Variants in PRTG observed in about 807,000 individuals in gnomAD.
PRTG encodes protogenin.
In PRTG, 67 loss-of-function variants were observed where a neutral mutation model predicts 122.5. That is an observed-to-expected ratio of 0.55 (90% confidence interval 0.45 to 0.67). The LOEUF (loss-of-function observed/expected upper bound fraction) is 0.67. Among genes scored for constraint, PRTG ranks in the 30% least tolerant of loss-of-function variants. PRTG has a pLI of 0.00. For missense variants in PRTG, 1,435 were observed against 1,415.4 expected (o/e 1.01, Z -0.22); for synonymous variants, 554 against 501.1 (o/e 1.11, Z -1.41).
At chr15:55,677,679 G>C (rs2059510562) in intron 8 of PRTG, 118 bp downstream of exon 8, 2 of 880,770 alleles carry the variant, frequency 2.3e-6, no homozygotes, top group Non-Finnish European at 3.5e-6. Flanking sequence ...TATCAAAGAA[G>C]ATAAATGCCA....
At chr15:55,643,030 G>A (rs1165096686) in intron 11 of PRTG, among the ~76,000 whole-genome samples, 1 of 151,784 alleles carries the variant, frequency 6.6e-6, no homozygotes, top group Non-Finnish European at 1.5e-5. Flanking sequence ...TTATGACTGT[G>A]CTACCGTACT....
At chr15:55,713,585 T>A (rs1319510234) in intron 2 of PRTG, among the ~76,000 whole-genome samples, 1 of 152,238 alleles carries the variant, frequency 6.6e-6, no homozygotes, top group Non-Finnish European at 1.5e-5. Flanking sequence ...TTTGCCATCA[T>A]TTGGAAATCA....
rs968547497 is a variant in PRTG at position 55,618,724 on chromosome 15, C to T, written c.*1288G>A. The T allele has an allele frequency of 2.6e-5, 4 of 152,034 alleles. No homozygotes were observed. The highest frequency in any genetic ancestry group is 9.7e-5 in the African/African-American group (4 of 41,378). The allele number at this position is 152,034 out of a possible 1,614,324, so 9.4% of individuals were successfully genotyped here. On this transcript the variant is annotated 3_prime_UTR_variant, in exon 20 of 20. Coordinates refer to ENST00000389286, the MANE Select transcript of PRTG (RefSeq NM_173814.6). Reference sequence around the variant, plus strand: ...TCTGAATATTTATCCCTAAACAAAACCTGCACTTAAAAAAAATGCCTTGGT... The same window carrying T: ...TCTGAATATTTATCCCTAAACAAAATCTGCACTTAAAAAAAATGCCTTGGT...
At position 55,619,932 on chromosome 15, in the gene PRTG, G is replaced by C; in HGVS notation, c.*80C>G. The C allele has an allele frequency of 6.4e-7, 1 of 1,574,528 alleles. No individual in the cohort carries two copies. Among genetic ancestry groups the C allele is most frequent in the Non-Finnish European group, 8.6e-7 (1 of 1,160,868 alleles). On this transcript the variant is annotated 3_prime_UTR_variant, in exon 20 of 20. Transcript: ENST00000389286. ...GGCTGCAGAACTAAGGAGGAAGTCT[G>C]CTCACTAACAGATGACACAGCAGGG... is the stretch of plus-strand genomic sequence containing the variant.
chr15:55,639,378 G>A (rs750029563), intron 13 of PRTG, among the ~76,000 whole-genome samples: 38 of 152,300 alleles, frequency 2.5e-4, no homozygotes, highest in Non-Finnish European at 4.7e-4. Flanking sequence ...AATCACTTGA[G>A]AGTAATAATA....
chr15:55,727,951 G>A (rs553368240), intron 2 of PRTG, among the ~76,000 whole-genome samples: 12 of 152,164 alleles, frequency 7.9e-5, no homozygotes, highest in East Asian at 3.9e-4. Flanking sequence ...TATAACTTCC[G>A]CCTCCCAGGT....
At chr15:55,669,117 G>A (rs1045401060) in intron 11 of PRTG, among the ~76,000 whole-genome samples, 3 of 151,304 alleles carry the variant, frequency 2.0e-5, no homozygotes, top group Non-Finnish European at 4.4e-5. Context: ...TTACCAAGGA[G>A]AGTATGTCCC....
At chr15:55,644,884 C>G (rs1180780004) in intron 11 of PRTG, among the ~76,000 whole-genome samples, 1 of 152,160 alleles carries the variant, frequency 6.6e-6, no homozygotes, top group East Asian at 1.9e-4. Flanking sequence ...ACCCCACTTA[C>G]ATTTTTCATA....
intron 2 of PRTG, among the ~76,000 whole-genome samples, chr15:55,734,635 C>T (rs866577949): frequency 2.0e-5 from 3 of 151,410 alleles, no homozygotes; most frequent in South Asian, 2.1e-4. Context: ...GAAAAAAGGG[C>T]AAATCCTCTG....
chr15:55,653,745 T>A (rs1307437072), intron 11 of PRTG, among the ~76,000 whole-genome samples: 1 of 152,202 alleles, frequency 6.6e-6, no homozygotes, highest in African/African-American at 2.4e-5. Context: ...ATTATAGGCG[T>A]CAGCCACTGC....
At chr15:55,664,977 G>T (rs978180870) in intron 11 of PRTG, among the ~76,000 whole-genome samples, 14 of 152,030 alleles carry the variant, frequency 9.2e-5, no homozygotes, top group Admixed American at 3.9e-4. Context: ...ACTGCATGTT[G>T]GCCAGGCGCA....
At chr15:55,666,069 C>T (rs771588595) in intron 11 of PRTG, among the ~76,000 whole-genome samples, 3 of 152,184 alleles carry the variant, frequency 2.0e-5, no homozygotes, top group Non-Finnish European at 2.9e-5. Context: ...TTGCTCAGGG[C>T]TGTCATAACA....
At chr15:55,655,511 GTTGT>G in intron 11 of PRTG, 1 of 152,218 alleles carries the variant, frequency 6.6e-6, no homozygotes, top group South Asian at 2.1e-4. Context: ...GAGTTATTCA[GTTGT>G]TTAAGGAAAT....
At chr15:55,668,829 A>G (rs764060509) in intron 11 of PRTG, among the ~76,000 whole-genome samples, 11 of 152,336 alleles carry the variant, frequency 7.2e-5, no homozygotes, top group African/African-American at 1.4e-4. Context: ...CTGTACATCT[A>G]GGGACTGAGC....
In PRTG at chr15:55,637,360, C is replaced by G. The variant is rs1385563226; in HGVS notation, c.2453-20G>C. 6.3e-7 allele frequency: 1 copy of G among 1,592,620 alleles called. No individual in the cohort carries two copies. The highest frequency in any genetic ancestry group is 1.8e-5 in the Admixed American group (1 of 56,006). On this transcript the variant is annotated intron_variant, in intron 14 of 19. Transcript: ENST00000389286. ...CTGGTGCTGTGCAGACACAACAAAA[C>G]ATTGTATTAATATAGTAAAATGGTT...
intron 16 of PRTG, among the ~76,000 whole-genome samples, chr15:55,628,294 T>C (rs1199150273): frequency 6.6e-6 from 1 of 152,030 alleles, no homozygotes; most frequent in African/African-American, 2.4e-5. Flanking sequence ...GGGCACCAGC[T>C]TTCTTGAGAA....
chr15:55,642,542 G>A (rs1041628864), intron 11 of PRTG, among the ~76,000 whole-genome samples: 6 of 144,042 alleles, frequency 4.2e-5, no homozygotes, highest in Non-Finnish European at 9.0e-5. Flanking sequence ...CGCTTGCAGT[G>A]AGCCAATATT....
At position 55,675,497 on chromosome 15, in the gene PRTG, A is replaced by G. The variant is rs1380489723; in HGVS notation, c.1546+22T>C. The G allele has an allele frequency of 1.9e-6, 3 of 1,552,106 alleles. No homozygotes were observed. The East Asian group carries it at 6.7e-5, about 35-fold the overall frequency. ...ACATACGAATGTTCATACTGAAATG[A>G]TCTAGAATCATGTTTTCTTACCATC... On this transcript the variant is annotated intron_variant, in intron 9 of 19. Transcript: ENST00000389286.
intron 2 of PRTG, among the ~76,000 whole-genome samples, chr15:55,693,686 G>C (rs1479545654): frequency 6.6e-6 from 1 of 152,136 alleles, no homozygotes; most frequent in African/African-American, 2.4e-5. Flanking sequence ...TCAAGCCTCA[G>C]TATCCCTCAG....
Sources: allele counts gnomAD v4.1 joint callset (sites outside exome capture counted in the v4.1 genomes callset), GRCh38; gene constraint gnomAD v4.1.1; transcripts MANE v1.5; gene names NCBI Gene and HGNC (gene_info 2026-07-23, HGNC 2026-07-21).